PZP: variants seen among roughly 807,000 people sequenced by gnomAD.
PZP encodes PZP alpha-2-macroglobulin like.
In PZP, 150 loss-of-function variants were observed where a neutral mutation model predicts 179.8. That is an observed-to-expected ratio of 0.83 (90% CI 0.73 to 0.96). The LOEUF is 0.96. Among genes scored for constraint, PZP ranks in the 40% least tolerant of loss-of-function variants. The pLI is 0.00. For missense variants in PZP, 1,689 were observed against 1,764.0 expected, an observed-to-expected ratio of 0.96 and a Z score of 0.76; for synonymous variants, 624 against 652.3, an observed-to-expected ratio of 0.96 and a Z score of 0.66.
At chr12:9,153,420 G>A in intron 29 of PZP, 77 bp from the exon 30 acceptor site, 1 of 1,255,594 alleles carries the variant, frequency 8.0e-7, no homozygotes, top group Non-Finnish European at 1.1e-6. Context: ...GTCTGTGTTA[G>A]CCTACCATGA....
intron 1 of PZP, among the ~76,000 whole-genome samples, chr12:9,207,326 C>T (rs1944485957): frequency 6.6e-6 from 1 of 152,150 alleles, no homozygotes; most frequent in South Asian, 2.1e-4. Context: ...CACCTCAGTG[C>T]CTATGTGCTA....
intron 4 of PZP, 35 bp downstream of exon 4, chr12:9,202,284 A>C: frequency 6.4e-7 from 1 of 1,570,658 alleles, no homozygotes; most frequent in South Asian, 1.1e-5. Flanking sequence ...TTCCCACTCT[A>C]CCCACAACCC....
chr12:9,183,208 C>A (rs1319114626), intron 13 of PZP, among the ~76,000 whole-genome samples: 1 of 152,134 alleles, frequency 6.6e-6, no homozygotes, highest in Non-Finnish European at 1.5e-5. Context: ...ATCTAACACA[C>A]AACATGAAGA....
At chr12:9,199,631 G>A (rs1235022940) in intron 7 of PZP, among the ~76,000 whole-genome samples, 1 of 152,052 alleles carries the variant, frequency 6.6e-6, no homozygotes, top group East Asian at 1.9e-4. Context: ...GAGGCCAACT[G>A]ATGATCTTCA....
intron 13 of PZP, among the ~76,000 whole-genome samples, chr12:9,184,596 G>A (rs1942985832): frequency 6.6e-6 from 1 of 152,246 alleles, no homozygotes; most frequent in Non-Finnish European, 1.5e-5. Context: ...CATGCTGCTG[G>A]TACATGTGAA....
rs1261181205 is a variant in PZP, at chr12:9,153,317, C to T, written c.3801G>A (p.Leu1267=). 2 of 1,613,798 alleles carry T rather than the reference C, an allele frequency of 1.2e-6. No individual in the cohort carries two copies. The highest frequency in any genetic ancestry group is 1.7e-6 in the Non-Finnish European group (2 of 1,179,960). ...TGAAAGTGGCTGCTCCATACCTGGA[C>T]AGGGCATGGAGAGCCACCACTGTGT... ...TQDTVVALHA[L]SRYGAATFTR... Residue 1267 remains leucine, a synonymous_variant, in exon 30 of 36, where the codon CTG becomes CTA. Coordinates refer to ENST00000261336, the MANE Select transcript of PZP (RefSeq NM_002864.3).
intron 7 of PZP, among the ~76,000 whole-genome samples, chr12:9,198,352 A>T (rs1204341666): frequency 6.6e-6 from 1 of 152,112 alleles, no homozygotes; most frequent in Non-Finnish European, 1.5e-5. Flanking sequence ...TCTACTAAAA[A>T]AATGTTTCTT....
rs749505038 is a variant in PZP, at chr12:9,169,492, G to T, written c.1939C>A (p.His647Asn). The change falls in exon 16 of 36, where the codon CAT becomes AAT. Residue 647 changes from histidine to asparagine, a missense_variant. By Grantham distance (68) the His-to-Asn change is moderately conservative. This residue lies in a region of PZP where 201 missense variants were observed against 284.2 expected (regional missense o/e 0.71). Transcript: ENST00000261336. Reference protein sequence around the residue: ...QGHCPRPFFIHNGAIYVPLSS... With the variant: ...QGHCPRPFFINNGAIYVPLSS... ...AAGGGAACATAGATGGCTCCATTAT[G>T]AATGAAGAAAGGACGGGGACAGTGT... The T allele has an allele frequency of 6.2e-7, 1 of 1,612,582 alleles. No individual in the cohort carries two copies. Among genetic ancestry groups the T allele is most frequent in the East Asian group, 2.2e-5 (1 of 44,826 alleles).
the PZP span, among the ~76,000 whole-genome samples, chr12:9,138,266 A>G: frequency 0.25 from 38,323 of 151,742 alleles, 5,578 homozygotes; most frequent in Admixed American, 0.33. Flanking sequence ...GCTTGTATTT[A>G]TATAATTATG....
At chr12:9,166,822 A>G (rs1435801929) in intron 17 of PZP, among the ~76,000 whole-genome samples, 1 of 152,204 alleles carries the variant, frequency 6.6e-6, no homozygotes, top group Non-Finnish European at 1.5e-5. Flanking sequence ...GTTCAGACAA[A>G]GAAATCATTT....
chr12:9,149,502 G>A, intron 35 of PZP, 59 bp downstream of exon 35: 1 of 1,471,964 alleles, frequency 6.8e-7, no homozygotes, highest in South Asian at 1.3e-5. Context: ...TAAATTGCAG[G>A]GGCCCTTGGA....
intron 10 of PZP, among the ~76,000 whole-genome samples, 180 bp downstream of exon 10, chr12:9,196,150 A>C (rs902867973): frequency 1.3e-5 from 2 of 152,212 alleles, no homozygotes; most frequent in Non-Finnish European, 2.9e-5. Flanking sequence ...ATAATAATTT[A>C]GTATGTGTCT....
intron 10 of PZP, 136 bp from the exon 11 acceptor site, chr12:9,194,374 T>A: frequency 2.9e-6 from 2 of 686,494 alleles, no homozygotes; most frequent in Non-Finnish European, 4.8e-6. Flanking sequence ...CCTTCATATT[T>A]ACGACAAAAT....
chr12:9,198,895 T>C (rs1943993757), intron 7 of PZP, among the ~76,000 whole-genome samples: 1 of 152,182 alleles, frequency 6.6e-6, no homozygotes, highest in Non-Finnish European at 1.5e-5. Context: ...CTAGGCGTTT[T>C]GGTGTTTCTG....
rs1943788021 is a variant in PZP, at chr12:9,196,591, C to G, written c.962G>C (p.Arg321Thr). ...GFEMKLRVEA[R>T]IREEGTDLEV... ...CACACCTGTCCCCTCTTCTCTGATC[C>G]TGGCTTCCACTCTAAGCTTCATTTC... The change falls in exon 9 of 36, where the codon AGG becomes ACG. Residue 321 changes from arginine (R) to threonine (T), a missense_variant. Coordinates refer to ENST00000261336, the MANE Select transcript of PZP (RefSeq NM_002864.3). 3 of 1,610,884 alleles carry G rather than the reference C, an allele frequency of 1.9e-6. No homozygotes were observed. The highest frequency in any genetic ancestry group is 2.2e-5 in the South Asian group (2 of 91,002).
chr12:9,160,114 A>G (rs1346939402), intron 24 of PZP, 89 bp from the exon 25 acceptor site: 8 of 1,279,248 alleles, frequency 6.3e-6, no homozygotes, highest in African/African-American at 1.5e-5. Context: ...GGCGCCATGG[A>G]CATTTTATGA....
At chr12:9,151,937 T>C (rs975324550) in intron 32 of PZP, among the ~76,000 whole-genome samples, 1 of 152,150 alleles carries the variant, frequency 6.6e-6, no homozygotes. Flanking sequence ...TTAAACCATA[T>C]CCTATCTTTC....
chr12:9,193,102 G>A (rs779012307), intron 11 of PZP, among the ~76,000 whole-genome samples: 3 of 152,132 alleles, frequency 2.0e-5, no homozygotes, highest in Non-Finnish European at 4.4e-5. Context: ...ATTAGGGTTT[G>A]TATTAATAAA....
intron 25 of PZP, among the ~76,000 whole-genome samples, chr12:9,159,580 T>A (rs1028356352): frequency 6.6e-6 from 1 of 152,006 alleles, no homozygotes; most frequent in Non-Finnish European, 1.5e-5. Flanking sequence ...ACAGTTGGAC[T>A]GGTGGCTTCA....
Sources: allele counts gnomAD v4.1 joint callset (sites outside exome capture counted in the v4.1 genomes callset), GRCh38; gene constraint gnomAD v4.1.1; regional missense constraint gnomAD v4.1.1; transcripts MANE v1.5; gene names NCBI Gene and HGNC (gene_info 2026-07-23, HGNC 2026-07-21).